MAP2K6: variants seen among roughly 807,000 people sequenced by gnomAD.
MAP2K6 encodes the protein mitogen-activated protein kinase kinase 6, also known as dual specificity mitogen-activated protein kinase kinase 6.
MAP2K6 carries 16 observed loss-of-function variants against 53.7 expected under a neutral mutation model. The ratio of observed to expected loss-of-function variants is 0.30; its 90% confidence interval spans 0.20 to 0.45. The LOEUF is 0.45. Ranked by LOEUF, MAP2K6 falls within the 20% of genes least tolerant of loss-of-function variation. The pLI is 1.00. For missense variants in MAP2K6, 204 were observed against 411.9 expected (o/e 0.50, Z 4.37); for synonymous variants, 132 against 143.1 (o/e 0.92, Z 0.55).
At chr17:69,477,609 A>G (rs1241379336) in intron 1 of MAP2K6, 1 of 152,220 alleles carries the variant, frequency 6.6e-6, no homozygotes, top group Non-Finnish European at 1.5e-5. Flanking sequence ...TGTCCCATGC[A>G]CACACTACAC....
chr17:69,502,768 C>A, intron 1 of MAP2K6: 1 of 909,300 alleles, frequency 1.1e-6, no homozygotes. Context: ...GCCTTCTCCT[C>A]CCACTTGGAA....
chr17:69,485,303 T>A (rs2145195873), intron 1 of MAP2K6: 1 of 156,702 alleles, frequency 6.4e-6, no homozygotes, highest in East Asian at 1.9e-4. Context: ...TTCTGAGTCA[T>A]TTTTTTTTTC....
At chr17:69,429,272 C>G (rs1004205233) in intron 1 of MAP2K6, among the ~76,000 whole-genome samples, 1 of 129,300 alleles carries the variant, frequency 7.7e-6, no homozygotes, top group Non-Finnish European at 1.6e-5. Context: ...GACTCTGTCT[C>G]TACAAAAAGT....
intron 1 of MAP2K6, among the ~76,000 whole-genome samples, chr17:69,498,692 G>T (rs1165361508): frequency 2.4e-5 from 3 of 125,546 alleles, no homozygotes; most frequent in Non-Finnish European, 5.4e-5. Context: ...ACACGTGCAC[G>T]CAGAGAGAGA....
At chr17:69,436,787 C>T (rs817562) in intron 1 of MAP2K6, among the ~76,000 whole-genome samples, 65,488 of 151,628 alleles carry the variant, frequency 0.43, 15,004 homozygotes, top group Non-Finnish European at 0.52. Context: ...TAATTTTTTT[C>T]TCTCTCTCTT....
intron 1 of MAP2K6, among the ~76,000 whole-genome samples, chr17:69,491,139 C>T (rs12946999): frequency 6.7e-6 from 1 of 149,286 alleles, no homozygotes; most frequent in Non-Finnish European, 1.5e-5. Flanking sequence ...TTCCTTTCTT[C>T]CTTCCCTCCT....
At chr17:69,500,335 A>G (rs1909103482) in intron 1 of MAP2K6, among the ~76,000 whole-genome samples, 1 of 150,324 alleles carries the variant, frequency 6.7e-6, no homozygotes, top group African/African-American at 2.5e-5. Flanking sequence ...AGTCGCAGCT[A>G]CTCGGGAGGC....
rs371749731 is a variant in MAP2K6 at position 69,437,713 on chromosome 17, G to C, written c.16+22713G>C. The stretch of plus-strand genomic sequence containing the variant: ...TATCATCATCACAGAAGGAAGCCCT[G>C]TACTTATTAAGGTGTTGCTCTTCAA... On this transcript the variant is annotated intron_variant, in intron 1 of 11. Coordinates refer to ENST00000590474, the MANE Select transcript of MAP2K6 (RefSeq NM_002758.4). Among the ~76,000 whole-genome samples the C allele has an allele frequency of 3.3e-5, 5 of 152,296 alleles. No homozygotes were observed. In the East Asian group the frequency reaches 9.6e-4, roughly 29 times the overall value.
chr17:69,487,326 G>C (rs1908579483), intron 1 of MAP2K6, among the ~76,000 whole-genome samples: 1 of 152,230 alleles, frequency 6.6e-6, no homozygotes, highest in South Asian at 2.1e-4. Flanking sequence ...TCGAAACAGA[G>C]GAAGTAATAC....
intron 1 of MAP2K6, among the ~76,000 whole-genome samples, chr17:69,475,160 C>CTGTGTTT (rs1384207992): frequency 4.2e-5 from 6 of 142,038 alleles, no homozygotes; most frequent in Admixed American, 3.5e-4. Context: ...AGATTGAAAT[C>CTGTGTTT]TGTGTTTTTT....
At chr17:69,528,104 C>A (rs1034626439) in intron 10 of MAP2K6, among the ~76,000 whole-genome samples, 1 of 23,830 alleles carries the variant, frequency 4.2e-5, no homozygotes, top group East Asian at 7.1e-4. Flanking sequence ...AATAAAACTT[C>A]GTCTCAAAAA....
At chr17:69,540,916 A>G (rs1236203428) in intron 11 of MAP2K6, among the ~76,000 whole-genome samples, 4 of 152,212 alleles carry the variant, frequency 2.6e-5, no homozygotes, top group Admixed American at 6.5e-5. Context: ...TTGCACGTTT[A>G]CTGTTCAACA....
intron 10 of MAP2K6, among the ~76,000 whole-genome samples, chr17:69,530,830 C>T (rs1379534106): frequency 6.6e-6 from 1 of 152,062 alleles, no homozygotes; most frequent in African/African-American, 2.4e-5. Flanking sequence ...GGGTACATAC[C>T]TCCAGCCATT....
At chr17:69,515,439 G>T (rs1425077933) in intron 2 of MAP2K6, among the ~76,000 whole-genome samples, 2 of 152,208 alleles carry the variant, frequency 1.3e-5, no homozygotes, top group Non-Finnish European at 2.9e-5. Flanking sequence ...TTACAGCTGT[G>T]AGCCACCGTG....
chr17:69,491,204 C>T (rs182360265), intron 1 of MAP2K6, among the ~76,000 whole-genome samples: 268 of 151,508 alleles, frequency 1.8e-3, no homozygotes, highest in Non-Finnish European at 2.8e-3. Flanking sequence ...AGTGCAATGG[C>T]ACCATCTTGG....
intron 10 of MAP2K6, among the ~76,000 whole-genome samples, chr17:69,527,375 A>C (rs1910829944): frequency 6.6e-6 from 1 of 152,200 alleles, no homozygotes; most frequent in Non-Finnish European, 1.5e-5. Context: ...AGTTCTGGGA[A>C]GGGAATCCAA....
chr17:69,489,026 G>C (rs1908648611), intron 1 of MAP2K6, among the ~76,000 whole-genome samples: 1 of 152,000 alleles, frequency 6.6e-6, no homozygotes, highest in African/African-American at 2.4e-5. Context: ...TTCGAGACCA[G>C]CCTGACCAAT....
intron 1 of MAP2K6, among the ~76,000 whole-genome samples, chr17:69,446,088 G>A (rs560259957): frequency 6.6e-6 from 1 of 152,288 alleles, no homozygotes; most frequent in South Asian, 2.1e-4. Context: ...TGCAATAAAG[G>A]TATTTTGGGT....
At chr17:69,461,730 A>G (rs1417887486) in intron 1 of MAP2K6, among the ~76,000 whole-genome samples, 1 of 152,172 alleles carries the variant, frequency 6.6e-6, no homozygotes, top group Non-Finnish European at 1.5e-5. Flanking sequence ...GGCCCTTTGC[A>G]TCCTCGTCCC....
Sources: gnomAD v4.1 joint callset for allele counts (sites outside exome capture counted in the v4.1 genomes callset) on GRCh38, gnomAD v4.1.1 for gene constraint, MANE v1.5 for transcripts, NCBI Gene and HGNC (gene_info 2026-07-23, HGNC 2026-07-21) for gene names.